Variants in AGBL4 observed in about 807,000 individuals in gnomAD.
AGBL4 encodes the protein AGBL carboxypeptidase 4.
In AGBL4, 58 loss-of-function variants were observed where a neutral mutation model predicts 66.4. The observed-to-expected ratio is 0.87, with a 90% CI of 0.71 to 1.09. The LOEUF (loss-of-function observed/expected upper bound fraction) is 1.09, where lower values mean the gene tolerates loss of function less well. AGBL4 is among the 50% of genes least tolerant of loss of function. The pLI is 0.00. For synonymous variants in AGBL4, 234 were observed against 222.9 expected (o/e 1.05, Z -0.44); for missense variants, 579 against 631.0 (o/e 0.92, Z 0.88).
chr1:49,759,247 T>TA (rs1207922879), intron 2 of AGBL4, among the ~76,000 whole-genome samples: 7 of 152,132 alleles, frequency 4.6e-5, no homozygotes, highest in Non-Finnish European at 7.4e-5. Context: ...TGATATGTGA[T>TA]AAAAAATGGC....
Position 48,736,523 on chromosome 1 carries a change from T to C in AGBL4, c.635-73282A>G, listed in dbSNP as rs1649086895. On this transcript the variant is annotated intron_variant, in intron 6 of 13. Transcript: ENST00000371839. This position sits in a 1 kb window ranked among gnomAD's most constrained non-coding sequence, Gnocchi z 4.0. ...GCAGTGGGAGGCTTCTCTTGTCCTT[T>C]AAAAAGCATTGCTGCACAACTGTAA... 1.6e-6 allele frequency: 2 copies of C among 1,287,062 alleles called. No individual in the cohort carries two copies. Among genetic ancestry groups the C allele is most frequent in the Admixed American group, 1.8e-5 (1 of 54,714 alleles). 79.7% of individuals were successfully genotyped at this position (1,287,062 alleles called of 1,614,324 possible). A position where few individuals can be genotyped will look rare whatever the true frequency, so the allele number is the denominator to read the frequency against.
In AGBL4 at chr1:49,593,566, T is replaced by C. The variant is rs151288834; in HGVS notation, c.282+103747A>G. 2.7e-4 allele frequency among the ~76,000 whole-genome samples: 41 copies of C among 152,304 alleles called. 1 individual carries two copies. Among genetic ancestry groups the C allele is most frequent in the African/African-American group, 9.6e-4 (40 of 41,574 alleles). On this transcript the variant is annotated intron_variant, in intron 3 of 13. Coordinates refer to ENST00000371839, the MANE Select transcript of AGBL4 (RefSeq NM_032785.4). ...TCTTAAAAATAAGGCAGGACTTAAA[T>C]TACTTACATATAGCAATAAAGTATA...
At chr1:49,911,241 G>A (rs1416178057) in intron 1 of AGBL4, among the ~76,000 whole-genome samples, 1 of 152,088 alleles carries the variant, frequency 6.6e-6, no homozygotes, top group African/African-American at 2.4e-5. Context: ...CTGGACTCGC[G>A]AGCCTTTTGT....
intron 6 of AGBL4, among the ~76,000 whole-genome samples, chr1:48,822,772 G>A (rs1186606088): frequency 6.6e-6 from 1 of 152,200 alleles, no homozygotes; most frequent in Admixed American, 6.5e-5. Flanking sequence ...ATAATTGCAT[G>A]GCCCAGTTCT....
intron 4 of AGBL4, among the ~76,000 whole-genome samples, chr1:49,099,475 A>G (rs78590279): frequency 1.3e-3 from 192 of 152,220 alleles, no homozygotes; most frequent in African/African-American, 4.6e-3. Context: ...CAGCACCTCA[A>G]TCTCCTAAGC....
At chr1:49,320,387 G>A (rs1485834134) in intron 3 of AGBL4, among the ~76,000 whole-genome samples, 2 of 152,196 alleles carry the variant, frequency 1.3e-5, no homozygotes, top group African/African-American at 2.4e-5. Flanking sequence ...TATTAAGGAA[G>A]CAGAGGAGAA....
At chr1:48,819,601 T>C (rs1163022470) in intron 6 of AGBL4, among the ~76,000 whole-genome samples, 6 of 152,106 alleles carry the variant, frequency 3.9e-5, no homozygotes, top group African/African-American at 1.4e-4. Context: ...GTAGTTCTGG[T>C]GAAAGTTGCA....
intron 5 of AGBL4, among the ~76,000 whole-genome samples, chr1:48,986,824 TAAC>T (rs1469957433): frequency 1.3e-5 from 2 of 152,058 alleles, no homozygotes; most frequent in South Asian, 4.1e-4. Flanking sequence ...AATAAAATAA[TAAC>T]AATGTAGTTT....
intron 4 of AGBL4, among the ~76,000 whole-genome samples, chr1:49,054,666 AT>A (rs1440233370): frequency 2.0e-5 from 3 of 151,970 alleles, no homozygotes; most frequent in African/African-American, 7.2e-5. Context: ...GAACTATACA[AT>A]TTTTATGTGA....
At chr1:49,938,401 G>C (rs534986919) in intron 1 of AGBL4, among the ~76,000 whole-genome samples, 1 of 152,066 alleles carries the variant, frequency 6.6e-6, no homozygotes, top group African/African-American at 2.4e-5. Context: ...ATTCACAGCC[G>C]AATTCTACCA....
intron 4 of AGBL4, among the ~76,000 whole-genome samples, chr1:49,079,751 G>A (rs1353657305): frequency 2.6e-5 from 4 of 152,174 alleles, no homozygotes; most frequent in African/African-American, 9.7e-5. Flanking sequence ...CTTGAACTAT[G>A]AGAGAGGGAA....
chr1:49,530,274 A>AAAAAAAAAAAAAAAAAAAAAAAAC, intron 3 of AGBL4, among the ~76,000 whole-genome samples: 77 of 134,782 alleles, frequency 5.7e-4, no homozygotes, highest in African/African-American at 2.4e-3. Flanking sequence ...AAAAAAAAAC[A>AAAAAAAAAAAAAAAAAAAAAAAAC]AAAAAAAACT....
chr1:48,835,129 A>G (rs748701276), intron 6 of AGBL4, among the ~76,000 whole-genome samples: 1 of 152,130 alleles, frequency 6.6e-6, no homozygotes, highest in Non-Finnish European at 1.5e-5. Flanking sequence ...CTCAGAAACA[A>G]AGGTCTCTAA....
intron 3 of AGBL4, among the ~76,000 whole-genome samples, chr1:49,658,915 G>A (rs1308416041): frequency 1.3e-5 from 2 of 151,894 alleles, no homozygotes; most frequent in Non-Finnish European, 2.9e-5. Flanking sequence ...TGTAAATGAC[G>A]AGTTAATGGG....
At chr1:49,814,096 T>G (rs529418513) in intron 2 of AGBL4, among the ~76,000 whole-genome samples, 1 of 152,254 alleles carries the variant, frequency 6.6e-6, no homozygotes, top group East Asian at 1.9e-4. Flanking sequence ...TGTGGAACCA[T>G]GAGTCCATTA....
At chr1:49,559,624 T>C (rs1183060177) in intron 3 of AGBL4, among the ~76,000 whole-genome samples, 2 of 152,190 alleles carry the variant, frequency 1.3e-5, no homozygotes, top group Admixed American at 1.3e-4. Flanking sequence ...CTGAGTCTTC[T>C]GACTTTGATC....
chr1:48,606,137 G>A (rs1000109744), intron 9 of AGBL4, among the ~76,000 whole-genome samples: 2 of 151,498 alleles, frequency 1.3e-5, no homozygotes, highest in East Asian at 3.9e-4. Flanking sequence ...AATAGTTGTG[G>A]GGAAATGAGA....
chr1:48,766,015 T>C (rs958637611), intron 6 of AGBL4, among the ~76,000 whole-genome samples: 7 of 152,210 alleles, frequency 4.6e-5, no homozygotes, highest in African/African-American at 1.7e-4. Context: ...TACAGAACTT[T>C]AGGAATATAC....
intron 5 of AGBL4, among the ~76,000 whole-genome samples, chr1:48,932,347 C>T (rs960111207): frequency 2.0e-4 from 31 of 152,090 alleles, no homozygotes; most frequent in African/African-American, 6.7e-4. Flanking sequence ...TTTGATTTCC[C>T]GTGTAAAAGG....
Sources: allele counts gnomAD v4.1 joint callset (sites outside exome capture counted in the v4.1 genomes callset), GRCh38; gene constraint gnomAD v4.1.1; non-coding constraint Gnocchi (gnomAD v3.1); transcripts MANE v1.5; gene names NCBI Gene and HGNC (gene_info 2026-07-23, HGNC 2026-07-21).